Variants in SLCO1A2 observed in about 807,000 individuals in gnomAD.
SLCO1A2 encodes solute carrier organic anion transporter family member 1A2.
In SLCO1A2, 67 loss-of-function variants were observed where a neutral mutation model predicts 69.0. The observed-to-expected ratio is 0.97, with a 90% CI of 0.80 to 1.19. SLCO1A2 has a LOEUF of 1.19. Ranked by LOEUF, SLCO1A2 falls within the 50% of genes most tolerant of loss-of-function variation. The pLI is 0.00. For synonymous variants in SLCO1A2, 260 were observed against 265.9 expected (o/e 0.98, Z 0.22); for missense variants, 787 against 793.7 (o/e 0.99, Z 0.10).
intron 12 of SLCO1A2, among the ~76,000 whole-genome samples, chr12:21,288,758 C>G (rs182179920): frequency 6.6e-6 from 1 of 152,014 alleles, no homozygotes; most frequent in Non-Finnish European, 1.5e-5. Context: ...ATGCCTGTAT[C>G]AGAATATCTC....
chr12:21,365,556 T>C (rs1939308320), intron 2 of SLCO1A2, among the ~76,000 whole-genome samples: 1 of 152,188 alleles, frequency 6.6e-6, no homozygotes, highest in African/African-American at 2.4e-5. Context: ...TGGGAACTAA[T>C]TGAACTAAAG....
chr12:21,323,398 A>T (rs1951883295), intron 2 of SLCO1A2, among the ~76,000 whole-genome samples: 1 of 152,096 alleles, frequency 6.6e-6, no homozygotes, highest in South Asian at 2.1e-4. Context: ...CTCTAAAAAA[A>T]TACAAAAAGA....
chr12:21,295,873 T>C (rs1947638789), intron 9 of SLCO1A2, 81 bp from the exon 10 acceptor site: 2 of 739,330 alleles, frequency 2.7e-6, no homozygotes, highest in Admixed American at 2.9e-5. Flanking sequence ...TAATATGCCT[T>C]ATATAAGTAA....
chr12:21,269,876 T>C, intron 14 of SLCO1A2, 109 bp from the exon 15 acceptor site: 1 of 725,404 alleles, frequency 1.4e-6, no homozygotes, highest in South Asian at 3.7e-5. Context: ...GCTGATGGTT[T>C]TGCATGCTGA....
rs1234066907 is a variant in SLCO1A2, at chr12:21,315,553, AT to A, written c.203-873del. Among the ~76,000 whole-genome samples, 6 of 152,018 alleles carry A rather than the reference AT, an allele frequency of 3.9e-5. No homozygotes were observed. In the South Asian group the frequency reaches 1.0e-3, roughly 26 times the overall value. ...GACTCAAGATTATAAAAATTTCAAAATTTTTTTTCCTCAAGGAGTTAATAAT... is the reference window on the plus strand; with the variant it reads ...GACTCAAGATTATAAAAATTTCAAAATTTTTTTCCTCAAGGAGTTAATAAT... On this transcript the variant is annotated intron_variant, in intron 3 of 14. Transcript: ENST00000683939.
At chr12:21,337,006 T>C (rs146073341), upstream of SLCO1A2, among the ~76,000 whole-genome samples, 22 of 152,114 alleles carry the variant, frequency 1.4e-4, no homozygotes, top group African/African-American at 4.6e-4. Flanking sequence ...CACACAAACG[T>C]TGGATTTCTT....
intron 1 of SLCO1A2, among the ~76,000 whole-genome samples, chr12:21,381,315 G>A (rs539894146): frequency 1.7e-4 from 26 of 151,514 alleles, no homozygotes; most frequent in Non-Finnish European, 3.1e-4. Context: ...GAACAAATCA[G>A]CAAGAAAAAA....
chr12:21,306,800 C>A, intron 5 of SLCO1A2, 82 bp downstream of exon 5: 1 of 833,414 alleles, frequency 1.2e-6, no homozygotes, highest in Non-Finnish European at 2.0e-6. Context: ...CTAACTCAAT[C>A]AATATCTCAT....
chr12:21,363,215 CA>C (rs1222007212), intron 2 of SLCO1A2, among the ~76,000 whole-genome samples: 2 of 152,152 alleles, frequency 1.3e-5, no homozygotes, highest in African/African-American at 4.8e-5. Context: ...ACAGTGCAAT[CA>C]AACTAGAACT....
chr12:21,365,608 G>A (rs945560841), intron 2 of SLCO1A2, among the ~76,000 whole-genome samples: 1 of 152,072 alleles, frequency 6.6e-6, no homozygotes, highest in South Asian at 2.1e-4. Flanking sequence ...GAGTGAACAG[G>A]CAACCTACAG....
At chr12:21,416,439 T>A (rs1460380174) in intron 1 of SLCO1A2, among the ~76,000 whole-genome samples, 1 of 151,948 alleles carries the variant, frequency 6.6e-6, no homozygotes, top group Non-Finnish European at 1.5e-5. Context: ...CAAGTTTATA[T>A]TTCAATTATT....
At chr12:21,412,590 G>A (rs762702242) in intron 1 of SLCO1A2, among the ~76,000 whole-genome samples, 2 of 152,066 alleles carry the variant, frequency 1.3e-5, no homozygotes, top group Non-Finnish European at 2.9e-5. Flanking sequence ...CCAAATATTT[G>A]CCTTTCTTCA....
chr12:21,391,467 T>G (rs1043638498), intron 1 of SLCO1A2, among the ~76,000 whole-genome samples: 1 of 152,086 alleles, frequency 6.6e-6, no homozygotes, highest in Non-Finnish European at 1.5e-5. Flanking sequence ...GAAGGAAAAA[T>G]TATAATCCTG....
At chr12:21,390,783 G>C (rs1319566046) in intron 1 of SLCO1A2, among the ~76,000 whole-genome samples, 1 of 152,092 alleles carries the variant, frequency 6.6e-6, no homozygotes, top group African/African-American at 2.4e-5. Flanking sequence ...AAAAAGATTA[G>C]ATATCCACAT....
rs147897554 is a variant in SLCO1A2, at chr12:21,290,977, C to A, written c.1610+1187G>T. On this transcript the variant is annotated intron_variant, in intron 12 of 14. Coordinates refer to ENST00000683939, the MANE Select transcript of SLCO1A2 (RefSeq NM_001386879.1). ...AATTCATCAAGAAAAACATAGGATG[C>A]AGGAAATATAATGAGTAAAGTGGGT... 8.0e-3 allele frequency among the ~76,000 whole-genome samples: 1,219 copies of A among 152,122 alleles called. 17 individuals are homozygous for A. The highest frequency in any genetic ancestry group is 0.045 in the South Asian group (219 of 4,824).
At chr12:21,397,472 A>G (rs1299693704), upstream of SLCO1A2, among the ~76,000 whole-genome samples, 1 of 151,824 alleles carries the variant, frequency 6.6e-6, no homozygotes, top group South Asian at 2.1e-4. Flanking sequence ...AACGAGACAG[A>G]AAGTCAACAA....
intron 1 of SLCO1A2, among the ~76,000 whole-genome samples, chr12:21,393,710 C>A (rs1367535994): frequency 2.0e-5 from 3 of 152,038 alleles, no homozygotes; most frequent in Non-Finnish European, 4.4e-5. Context: ...TTTTTTCAAT[C>A]TAGATAAAAT....
intron 1 of SLCO1A2, among the ~76,000 whole-genome samples, chr12:21,417,225 A>T (rs1350020122): frequency 6.6e-6 from 1 of 152,052 alleles, no homozygotes; most frequent in African/African-American, 2.4e-5. Context: ...TTGTACAAGA[A>T]ATGTAATTAT....
chr12:21,405,892 C>A (rs1941816251), intron 1 of SLCO1A2, among the ~76,000 whole-genome samples: 1 of 152,212 alleles, frequency 6.6e-6, no homozygotes, highest in East Asian at 1.9e-4. Flanking sequence ...AGTTAATTAA[C>A]CTCATTTTTA....
Sources: allele counts gnomAD v4.1 joint callset (sites outside exome capture counted in the v4.1 genomes callset), GRCh38; gene constraint gnomAD v4.1.1; transcripts MANE v1.5; gene names NCBI Gene and HGNC (gene_info 2026-07-23, HGNC 2026-07-21).